The following SNTG2 variants were observed in gnomAD, a reference collection of about 807,000 sequenced individuals.
SNTG2 encodes syntrophin gamma 2, also known as gamma-2-syntrophin.
Under a neutral mutation model 70.9 loss-of-function variants are expected in SNTG2, and 74 were observed. The observed-to-expected ratio is 1.04, with a 90% CI of 0.86 to 1.27. The LOEUF is 1.27. Among genes scored for constraint, SNTG2 ranks in the 50% most tolerant of loss-of-function variants. The pLI, the probability that SNTG2 is intolerant of heterozygous loss-of-function variation, is 0.00. For synonymous variants in SNTG2, 278 were observed against 273.8 expected (o/e 1.02, Z -0.15); for missense variants, 717 against 690.7 (o/e 1.04, Z -0.43).
intron 1 of SNTG2, among the ~76,000 whole-genome samples, chr2:1,060,655 A>G (rs1441118823): frequency 6.6e-6 from 1 of 152,240 alleles, no homozygotes; most frequent in Non-Finnish European, 1.5e-5. Context: ...AATAATTCAA[A>G]TATGAACCTA....
At chr2:1,151,823 T>C (rs1297137396) in intron 6 of SNTG2, among the ~76,000 whole-genome samples, 1 of 152,126 alleles carries the variant, frequency 6.6e-6, no homozygotes, top group Non-Finnish European at 1.5e-5. Context: ...CTAATCCTCA[T>C]AGCGACTGGA....
At chr2:1,263,340 C>T (rs1260866793) in intron 13 of SNTG2, among the ~76,000 whole-genome samples, 1 of 151,780 alleles carries the variant, frequency 6.6e-6, no homozygotes, top group Non-Finnish European at 1.5e-5. Flanking sequence ...TAATTATTGT[C>T]CTATTATTAA....
intron 8 of SNTG2, among the ~76,000 whole-genome samples, chr2:1,199,821 C>T (rs1251175860): frequency 1.3e-5 from 2 of 151,822 alleles, no homozygotes; most frequent in African/African-American, 4.8e-5. Context: ...AGGTAAATGA[C>T]CTCTACAAGA....
chr2:1,231,591 A>C (rs1007063026), intron 9 of SNTG2, among the ~76,000 whole-genome samples: 1 of 152,178 alleles, frequency 6.6e-6, no homozygotes, highest in Non-Finnish European at 1.5e-5. Flanking sequence ...GGATGTGCTA[A>C]ATGTGCATAT....
rs182622564 is a variant in SNTG2, at chr2:1,320,549, A to G, written c.1488+4174A>G. 5.9e-3 allele frequency among the ~76,000 whole-genome samples: 892 copies of G among 150,754 alleles called. 5 individuals carry two copies. Among genetic ancestry groups the G allele is most frequent in the African/African-American group, 0.019 (767 of 40,546 alleles). On this transcript the variant is annotated intron_variant, in intron 16 of 16. Transcript: ENST00000308624. ...GACTCCTTCTCAAAAAAAAAAAAAA[A>G]AAAGAAAGAAAAAAAGAAAAGAAAG... is the stretch of plus-strand genomic sequence containing the variant.
chr2:976,321 G>A (rs1350192736), intron 1 of SNTG2, among the ~76,000 whole-genome samples: 2 of 152,204 alleles, frequency 1.3e-5, no homozygotes, highest in African/African-American at 2.4e-5. Flanking sequence ...AGCTGGGGAG[G>A]AAGAGAAACA....
intron 14 of SNTG2, among the ~76,000 whole-genome samples, chr2:1,296,727 G>A (rs555316753): frequency 3.3e-5 from 5 of 152,268 alleles, no homozygotes; most frequent in South Asian, 2.1e-4. Flanking sequence ...ACCTGCTTCC[G>A]GGTCAGCACA....
chr2:1,284,616 A>T (rs532973036), intron 14 of SNTG2, among the ~76,000 whole-genome samples: 1 of 152,286 alleles, frequency 6.6e-6, no homozygotes, highest in Admixed American at 6.5e-5. Context: ...GCCCTAAAGG[A>T]TGTCATGTTT....
intron 14 of SNTG2, among the ~76,000 whole-genome samples, chr2:1,285,360 C>T (rs902593348): frequency 6.6e-6 from 1 of 152,116 alleles, no homozygotes; most frequent in African/African-American, 2.4e-5. Context: ...TATTAACCAC[C>T]ATAAGTCCAC....
chr2:1,302,507 G>A (rs1238379900), intron 14 of SNTG2, among the ~76,000 whole-genome samples: 3 of 102,262 alleles, frequency 2.9e-5, no homozygotes, highest in East Asian at 5.4e-4. Flanking sequence ...CATCCAAAGA[G>A]ACACTCAAAA....
Position 1,222,545 on chromosome 2 carries a change from G to C in SNTG2, c.719+13315G>C, listed in dbSNP as rs990574412. Among the ~76,000 whole-genome samples the C allele has an allele frequency of 7.4e-5, 8 of 107,506 alleles. No homozygotes were observed. In the East Asian group the frequency reaches 1.2e-3, roughly 16 times the overall value. The allele number at this position is 107,506 out of a possible 152,430, so 70.5% of individuals were successfully genotyped here. The stretch of plus-strand genomic sequence containing the variant: ...TGCCTGCTGCTGGAGGTGCTGGATC[G>C]CTGTAGAGGAAAGCGGTGCAGTGAT... On this transcript the variant is annotated intron_variant, in intron 9 of 16. Transcript: ENST00000308624.
chr2:1,289,445 G>A (rs1347808475), intron 14 of SNTG2, among the ~76,000 whole-genome samples: 1 of 152,034 alleles, frequency 6.6e-6, no homozygotes, highest in Non-Finnish European at 1.5e-5. Flanking sequence ...CCTGCCACCT[G>A]CTCTGTGTCT....
chr2:1,173,184 G>C lies in SNTG2; in HGVS notation c.591+1G>C. The C allele has an allele frequency of 2.5e-6, 4 of 1,613,186 alleles. No individual in the cohort carries two copies. The highest frequency in any genetic ancestry group is 3.4e-6 in the Non-Finnish European group (4 of 1,179,274). On this transcript the variant is annotated splice_donor_variant, in intron 8 of 16. Transcript: ENST00000308624. LOFTEE classifies it high-confidence loss of function. ...TCTGAACGGAAACTCCAGTACCACA[G>C]TAAGCATATAGATTTTTGTTAAATT...
rs143385887 is a variant in SNTG2, at chr2:1,116,388, C to T, written c.325+17978C>T. Among the ~76,000 whole-genome samples the T allele has an allele frequency of 9.8e-3, 1,491 of 152,272 alleles. 18 individuals are homozygous for T. The highest frequency in any genetic ancestry group is 0.034 in the African/African-American group (1,421 of 41,542). ...TCAGGCAAGGCTGTGGCTGCTCACC[C>T]GTGGCCCTGGCTCACGCAAAACTCT... On this transcript the variant is annotated intron_variant, in intron 4 of 16. Transcript: ENST00000308624.
chr2:1,283,412 TC>T (rs1238821360), intron 14 of SNTG2, among the ~76,000 whole-genome samples: 1 of 152,164 alleles, frequency 6.6e-6, no homozygotes, highest in Non-Finnish European at 1.5e-5. Flanking sequence ...GCACTGACAG[TC>T]CCTTGGCTGT....
intron 2 of SNTG2, among the ~76,000 whole-genome samples, chr2:1,090,391 C>G (rs1489883728): frequency 6.6e-6 from 1 of 152,166 alleles, no homozygotes; most frequent in Non-Finnish European, 1.5e-5. Context: ...GTTCTTGTTA[C>G]CAGCTGTGAA....
At chr2:969,580 C>T (rs551783086) in intron 1 of SNTG2, among the ~76,000 whole-genome samples, 1 of 152,178 alleles carries the variant, frequency 6.6e-6, no homozygotes, top group Non-Finnish European at 1.5e-5. Context: ...TATTTCACCT[C>T]CCTGCTTAGC....
chr2:1,159,255 G>GTGTGTGTGCA (rs559576039), intron 6 of SNTG2: 8,939 of 150,886 alleles, frequency 0.059, 328 homozygotes, highest in African/African-American at 0.1. Flanking sequence ...GTGTATGCAG[G>GTGTGTGTGCA]TGTGTGTGCA....
intron 2 of SNTG2, among the ~76,000 whole-genome samples, chr2:1,096,877 G>C (rs1254102524): frequency 6.6e-6 from 1 of 152,146 alleles, no homozygotes; most frequent in East Asian, 1.9e-4. Context: ...TGCAATGAGA[G>C]CCCGTGGTAT....
Sources: allele counts gnomAD v4.1 joint callset (sites outside exome capture counted in the v4.1 genomes callset), GRCh38; gene constraint gnomAD v4.1.1; transcripts MANE v1.5; gene names NCBI Gene and HGNC (gene_info 2026-07-23, HGNC 2026-07-21).